Variants in PDE11A observed in about 807,000 individuals in gnomAD.
PDE11A encodes dual 3',5'-cyclic-AMP and -GMP phosphodiesterase 11A.
PDE11A carries 100 observed loss-of-function variants against 100.5 expected under a neutral mutation model. That is an observed-to-expected ratio of 1.00 (90% CI 0.85 to 1.18). The LOEUF (loss-of-function observed/expected upper bound fraction) is 1.18. Among genes scored for constraint, PDE11A ranks in the 50% most tolerant of loss-of-function variants. The pLI is 0.00. For missense variants in PDE11A, 1,141 were observed against 1,152.6 expected (o/e 0.99, Z 0.15); for synonymous variants, 381 against 420.8 (o/e 0.91, Z 1.16).
chr2:178,053,459 A>G (rs961675702), intron 1 of PDE11A, among the ~76,000 whole-genome samples: 8 of 152,230 alleles, frequency 5.3e-5, no homozygotes, highest in Non-Finnish European at 8.8e-5. Flanking sequence ...GGCAGAAGAC[A>G]GGGATGCCCT....
At chr2:177,877,494 TC>T (rs2084260190) in intron 4 of PDE11A, among the ~76,000 whole-genome samples, 2 of 152,214 alleles carry the variant, frequency 1.3e-5, no homozygotes, top group South Asian at 4.2e-4. Context: ...AGATAAAGTC[TC>T]CCGGGTAATC....
intron 4 of PDE11A, among the ~76,000 whole-genome samples, chr2:177,896,327 G>C (rs2084611797): frequency 1.3e-5 from 2 of 152,290 alleles, no homozygotes; most frequent in Admixed American, 6.5e-5. Context: ...TTGCCAAAGA[G>C]TTAGACCACA....
intron 7 of PDE11A, among the ~76,000 whole-genome samples, chr2:177,819,868 T>TTCTCTTTCTCTCTCTCTCTC (rs2083106925): frequency 7.2e-6 from 1 of 139,100 alleles, no homozygotes; most frequent in African/African-American, 2.8e-5. Context: ...CTTTCTCTCT[T>TTCTCTTTCTCTCTCTCTCTC]TCTCTCTCTC....
chr2:177,668,528 TC>T, intron 18 of PDE11A, among the ~76,000 whole-genome samples: 1 of 152,332 alleles, frequency 6.6e-6, no homozygotes, highest in Admixed American at 6.5e-5. Context: ...AGCCTCCTGA[TC>T]TTTTGTACAT....
chr2:177,894,797 G>A lies in PDE11A; in HGVS notation c.1302+3261C>T, dbSNP rs1281076982. The stretch of plus-strand genomic sequence containing the variant: ...AAACATTCCTTTCTGCTGACTCTAA[G>A]TTCTAGATAGAGCCTTACTCCTTTA... On this transcript the variant is annotated intron_variant, in intron 4 of 19. Coordinates refer to ENST00000286063, the MANE Select transcript of PDE11A (RefSeq NM_016953.4). Among the ~76,000 whole-genome samples the A allele has an allele frequency of 3.3e-5, 5 of 152,250 alleles. 1 individual carries two copies. Among genetic ancestry groups the A allele is most frequent in the Admixed American group, 3.3e-4 (5 of 15,288 alleles).
intron 13 of PDE11A, among the ~76,000 whole-genome samples, chr2:177,707,188 A>C (rs1405527089): frequency 6.6e-6 from 1 of 152,204 alleles, no homozygotes; most frequent in Non-Finnish European, 1.5e-5. Context: ...AAGTTTACTT[A>C]CCTTCCTGAG....
intron 1 of PDE11A, among the ~76,000 whole-genome samples, chr2:178,041,478 C>T (rs890617566): frequency 6.6e-6 from 1 of 151,232 alleles, no homozygotes; most frequent in Non-Finnish European, 1.5e-5. Context: ...TCCTGACCTT[C>T]TGATCCGCCC....
In PDE11A at chr2:177,977,402, A is replaced by G. The variant is rs567869084; in HGVS notation, c.1071+36900T>C. Among the ~76,000 whole-genome samples, 329 of 144,036 alleles carry G rather than the reference A, an allele frequency of 2.3e-3. 8 individuals carry two copies. The highest frequency in any genetic ancestry group is 7.9e-3 in the African/African-American group (308 of 38,888). The allele number at this position is 144,036 out of a possible 152,430, so 94.5% of individuals were successfully genotyped here. A position where few individuals can be genotyped will look rare whatever the true frequency, so the allele number is the denominator to read the frequency against. ...ACAAGGGATGTGAAGGACCTCTTCAAGGAGAACTACAAACCACTGCTCAAG... is the reference window on the plus strand; with the variant it reads ...ACAAGGGATGTGAAGGACCTCTTCAGGGAGAACTACAAACCACTGCTCAAG... On this transcript the variant is annotated intron_variant, in intron 2 of 19. Transcript: ENST00000286063.
intron 2 of PDE11A, among the ~76,000 whole-genome samples, chr2:177,972,547 G>A (rs527381143): frequency 1.3e-5 from 2 of 152,338 alleles, no homozygotes; most frequent in South Asian, 4.1e-4. Flanking sequence ...AGAGAGAGAT[G>A]TGGAAAGAAT....
At chr2:177,865,877 G>A (rs551252945) in intron 5 of PDE11A, among the ~76,000 whole-genome samples, 19 of 152,084 alleles carry the variant, frequency 1.2e-4, no homozygotes, top group Non-Finnish European at 2.8e-4. Flanking sequence ...GGCTGCTAAT[G>A]GGTAGAGTTT....
chr2:177,653,750 C>T (rs113359890), intron 19 of PDE11A, among the ~76,000 whole-genome samples: 91 of 152,324 alleles, frequency 6.0e-4, no homozygotes, highest in African/African-American at 2.1e-3. Flanking sequence ...AAGGAACCAC[C>T]CCTGCTGACA....
intron 19 of PDE11A, among the ~76,000 whole-genome samples, chr2:177,637,997 A>ATATT (rs1433320166): frequency 2.0e-4 from 21 of 106,518 alleles, no homozygotes; most frequent in East Asian, 7.9e-4. Context: ...ATATATATAT[A>ATATT]TTTTTTTTTT....
At chr2:178,083,935 T>A (rs2087317360) in intron 2 of PDE11A, among the ~76,000 whole-genome samples, 1 of 152,204 alleles carries the variant, frequency 6.6e-6, no homozygotes, top group East Asian at 1.9e-4. Context: ...AAGTCTTCCA[T>A]CTCCATTCCC....
At chr2:177,981,861 T>G (rs1168944261) in intron 2 of PDE11A, among the ~76,000 whole-genome samples, 1 of 151,050 alleles carries the variant, frequency 6.6e-6, no homozygotes, top group Non-Finnish European at 1.5e-5. Context: ...GAGTACTCAG[T>G]CTTTTCAATG....
At chr2:177,714,467 G>A (rs1231902096) in intron 12 of PDE11A, among the ~76,000 whole-genome samples, 1 of 152,158 alleles carries the variant, frequency 6.6e-6, no homozygotes, top group Non-Finnish European at 1.5e-5. Context: ...CCCAGTTATA[G>A]ATGAGAAAAC....
rs750999092 is a variant in PDE11A, at chr2:177,817,843, A to C, written c.1644+15T>G. ...TATTGATGACTCCACTTGGTTTATAAATTTATTTTCTTACCTCAAAAAGTC... is the reference window on the plus strand; with the variant it reads ...TATTGATGACTCCACTTGGTTTATACATTTATTTTCTTACCTCAAAAAGTC... On this transcript the variant is annotated intron_variant, in intron 8 of 19. Transcript: ENST00000286063. The C allele has an allele frequency of 2.3e-6, 3 of 1,312,358 alleles. No homozygotes were observed. The highest frequency in any genetic ancestry group is 1.6e-5 in the African/African-American group (1 of 63,992). 81.3% of individuals were successfully genotyped at this position (1,312,358 alleles called of 1,614,324 possible). A position where few individuals can be genotyped will look rare whatever the true frequency, so the allele number is the denominator to read the frequency against.
At chr2:177,750,330 G>A (rs769421695) in intron 10 of PDE11A, among the ~76,000 whole-genome samples, 1 of 152,184 alleles carries the variant, frequency 6.6e-6, no homozygotes, top group Admixed American at 6.5e-5. Context: ...AAGCAGCTTT[G>A]AAATATACAT....
chr2:177,962,260 A>G (rs2085644058), intron 2 of PDE11A, among the ~76,000 whole-genome samples: 1 of 152,080 alleles, frequency 6.6e-6, no homozygotes, highest in South Asian at 2.1e-4. Flanking sequence ...TATACTTCAC[A>G]TTCCACAGTG....
chr2:177,799,473 T>A (rs552872704), intron 9 of PDE11A, among the ~76,000 whole-genome samples: 81 of 152,324 alleles, frequency 5.3e-4, no homozygotes, highest in Non-Finnish European at 1.0e-3. Context: ...AGTTTATTTC[T>A]AAAAAATGAT....
Sources: allele counts gnomAD v4.1 joint callset (sites outside exome capture counted in the v4.1 genomes callset), GRCh38; gene constraint gnomAD v4.1.1; transcripts MANE v1.5; gene names NCBI Gene and HGNC (gene_info 2026-07-23, HGNC 2026-07-21).